The following DERPC variants were observed in gnomAD, a reference collection of about 807,000 sequenced individuals.
DERPC encodes the protein DERPC proline and glycine rich nuclear protein, also known as decreased expression in renal and prostate cancer protein.
A neutral mutation model predicts 7.2 loss-of-function variants in DERPC; 1 was observed. The ratio of observed to expected loss-of-function variants is 0.14; its 90% CI spans 0.05 to 0.66. The LOEUF is 0.66. Ranked by LOEUF, DERPC falls within the 30% of genes least tolerant of loss-of-function variation. The pLI is 0.84. For missense variants in DERPC, 502 were observed against 299.4 expected (o/e 1.68, Z -4.99); for synonymous variants, 185 against 117.6 (o/e 1.57, Z -3.71).
chr16:69,122,299 C>A (rs1023640908), intron 1 of DERPC, among the ~76,000 whole-genome samples: 1 of 151,874 alleles, frequency 6.6e-6, no homozygotes, highest in Non-Finnish European at 1.5e-5. Flanking sequence ...TGATATGAAC[C>A]GAAGACATAC....
Position 69,128,400 on chromosome 16 carries a change from CAT to C in DERPC, c.-280+4082_-280+4083del, listed in dbSNP as rs1330477028. On this transcript the variant is annotated intron_variant, in intron 1 of 2. Transcript: ENST00000519520. ...GGTATCAGACTCACAGGCCACAACT[CAT>C]GTGTAGCCTTGGAAAGATAAGAAGG... Among the ~76,000 whole-genome samples the C allele has an allele frequency of 4.6e-5, 7 of 152,302 alleles. 1 individual carries two copies. In the East Asian group the frequency reaches 7.7e-4, roughly 17 times the overall value.
intron 1 of DERPC, among the ~76,000 whole-genome samples, chr16:69,124,248 T>TG (rs1567591423): frequency 6.6e-6 from 1 of 152,130 alleles, no homozygotes; most frequent in Non-Finnish European, 1.5e-5. Flanking sequence ...CATAGATTCA[T>TG]GGGGGGCTGA....
At position 69,119,762 on chromosome 16, in the gene DERPC, C is replaced by T. The variant is rs760912652; in HGVS notation, c.667G>A (p.Ala223Thr). 21 of 696,678 alleles carry T rather than the reference C, an allele frequency of 3.0e-5. No individual in the cohort carries two copies. The highest frequency in any genetic ancestry group is 2.2e-4 in the Admixed American group (11 of 49,854). The allele number at this position is 696,678 out of a possible 1,614,324, so 43.2% of individuals were successfully genotyped here. A position where few individuals can be genotyped will look rare whatever the true frequency, so the allele number is the denominator to read the frequency against. Residue 223 changes from alanine (A) to threonine (T), a missense_variant, in exon 3 of 3, where the codon GCC becomes ACC. By Grantham distance (58) the Ala-to-Thr change is moderately conservative. Coordinates refer to ENST00000519520, the MANE Select transcript of DERPC (RefSeq NM_001002847.4). Reference sequence around the variant, plus strand: ...CCTGGAAACACACCTGACCTGGGGGCAGGGTTTGTCCCTAAAAAGCCTGAT... The same window carrying T: ...CCTGGAAACACACCTGACCTGGGGGTAGGGTTTGTCCCTAAAAAGCCTGAT... ...LRSGFLGTNP[A>T]PRSGVFPGPG...
chr16:69,125,253 TGAATTTTTACTGTG>T (rs1279047790), intron 1 of DERPC, among the ~76,000 whole-genome samples: 4 of 152,212 alleles, frequency 2.6e-5, no homozygotes, highest in East Asian at 1.9e-4. Context: ...TAACATGTTT[TGAATTTTTACTGTG>T]GAATTTTTAC....
intron 1 of DERPC, chr16:69,131,189 C>G (rs1962479946): frequency 6.6e-6 from 1 of 152,130 alleles, no homozygotes; most frequent in Non-Finnish European, 1.5e-5. Context: ...TGAATGCTTC[C>G]AAACTTTACA....
At chr16:69,126,253 G>A (rs570087187) in intron 1 of DERPC, among the ~76,000 whole-genome samples, 55 of 152,154 alleles carry the variant, frequency 3.6e-4, no homozygotes, top group Admixed American at 3.0e-3. Flanking sequence ...AAAATCAATC[G>A]TTAAGCACTG....
At chr16:69,129,089 CAAAA>C (rs768378198) in intron 1 of DERPC, among the ~76,000 whole-genome samples, 1 of 144,476 alleles carries the variant, frequency 6.9e-6, no homozygotes, top group Non-Finnish European at 1.5e-5. Flanking sequence ...TGAAACAAAA[CAAAA>C]AAAAAACTGG....
intron 1 of DERPC, among the ~76,000 whole-genome samples, chr16:69,126,974 C>A (rs143071318): frequency 1.3e-5 from 2 of 152,018 alleles, no homozygotes; most frequent in Non-Finnish European, 2.9e-5. Context: ...AGGCCGGGCG[C>A]GGTGGCTCAT....
chr16:69,123,809 C>T (rs890199847), intron 1 of DERPC, among the ~76,000 whole-genome samples: 1 of 151,294 alleles, frequency 6.6e-6, no homozygotes, highest in African/African-American at 2.4e-5. Context: ...AGACTTTGGC[C>T]GGGAGCAGTA....
In DERPC at chr16:69,118,290, G is replaced by A. The variant is rs1961316449; in HGVS notation, c.*564C>T. On this transcript the variant is annotated 3_prime_UTR_variant, in exon 3 of 3. Coordinates refer to ENST00000519520, the MANE Select transcript of DERPC (RefSeq NM_001002847.4). ...GGGAGCTGCAGGCCCAGTCAGTCAA[G>A]CAGAAACTGCATTCGGTGGGTCTTT... 9.5e-7 allele frequency: 1 copy of A among 1,048,716 alleles called. No homozygotes were observed. Among genetic ancestry groups the A allele is most frequent in the Non-Finnish European group, 1.5e-6 (1 of 668,036 alleles). 65.0% of individuals were successfully genotyped at this position (1,048,716 alleles called of 1,614,324 possible). A position where few individuals can be genotyped will look rare whatever the true frequency, so the allele number is the denominator to read the frequency against.
In DERPC at chr16:69,118,683, C is replaced by A; in HGVS notation, c.*171G>T. ...GCCACAGTTCACATGCCACAAATAA[C>A]ATCTCACCTTCAGTCAAGAAAAACG... On this transcript the variant is annotated 3_prime_UTR_variant, in exon 3 of 3. Transcript: ENST00000519520. The A allele has an allele frequency of 1.5e-6, 1 of 670,662 alleles. No individual in the cohort carries two copies. Among genetic ancestry groups the A allele is most frequent in the Non-Finnish European group, 2.7e-6 (1 of 370,114 alleles). 41.5% of individuals were successfully genotyped at this position (670,662 alleles called of 1,614,324 possible). A position where few individuals can be genotyped will look rare whatever the true frequency, so the allele number is the denominator to read the frequency against.
chr16:69,128,412 T>C (rs1962245045), intron 1 of DERPC, among the ~76,000 whole-genome samples: 1 of 152,210 alleles, frequency 6.6e-6, no homozygotes, highest in Admixed American at 6.5e-5. Flanking sequence ...TGTGTAGCCT[T>C]GGAAAGATAA....
In DERPC at chr16:69,119,207, G is replaced by A. The variant is rs1306212065; in HGVS notation, c.1222C>T (p.Pro408Ser). Residue 408 changes from proline to serine, a missense_variant, in exon 3 of 3, where the codon CCC (proline) becomes TCC (serine). By Grantham distance (74) the Pro-to-Ser change is moderately conservative (BLOSUM62 -1). Transcript: ENST00000519520. ...IFPRASGPLGPNPANFPRATG... is the reference protein window; with the variant it reads ...IFPRASGPLGSNPANFPRATG... ...GCCCTTGGGAAGTTAGCTGGGTTGG[G>A]GCCAAGTGGCCCAGAGGCTCTTGGG... is the stretch of plus-strand genomic sequence containing the variant. 5 of 703,036 alleles carry A rather than the reference G, an allele frequency of 7.1e-6. No individual in the cohort carries two copies. In the Admixed American group the frequency reaches 8.0e-5, roughly 11 times the overall value. 43.5% of individuals were successfully genotyped at this position (703,036 alleles called of 1,614,324 possible).
Position 69,118,478 on chromosome 16 carries a change from G to A in DERPC, c.*376C>T, listed in dbSNP as rs376376214. ...AGAGCAGTGAGCTGATTCTCCAATG[G>A]TGAGCAGGGGACTACATGTGAACTG... On this transcript the variant is annotated 3_prime_UTR_variant, in exon 3 of 3. Transcript: ENST00000519520. 1.4e-5 allele frequency: 21 copies of A among 1,450,580 alleles called. No individual in the cohort carries two copies. Among genetic ancestry groups the A allele is most frequent in the East Asian group, 2.3e-5 (1 of 44,158 alleles). The allele number at this position is 1,450,580 out of a possible 1,614,324, so 89.9% of individuals were successfully genotyped here.
rs146170123 is a variant in DERPC, at chr16:69,121,490, C to G, written c.-276G>C. 126 of 1,587,996 alleles carry G rather than the reference C, an allele frequency of 7.9e-5. No individual in the cohort carries two copies. In the African/African-American group the frequency reaches 1.6e-3, roughly 20 times the overall value. Reference sequence around the variant, plus strand: ...TCTGTCTTTAAAAAGCAAGTGAAAACAAGCTGTAGAGAGAAAAAAAGAGAT... The same window carrying G: ...TCTGTCTTTAAAAAGCAAGTGAAAAGAAGCTGTAGAGAGAAAAAAAGAGAT... On this transcript the variant is annotated 5_prime_UTR_variant, in exon 2 of 3. Coordinates refer to ENST00000519520, the MANE Select transcript of DERPC (RefSeq NM_001002847.4).
chr16:69,127,314 G>GA (rs1267782290), intron 1 of DERPC, among the ~76,000 whole-genome samples: 1 of 150,318 alleles, frequency 6.7e-6, no homozygotes, highest in African/African-American at 2.4e-5. Context: ...AGAGTGAGTA[G>GA]AAAAAAGAGG....
rs1438977685 is a variant in DERPC at position 69,118,672 on chromosome 16, G to A, written c.*182C>T. 3 of 680,844 alleles carry A rather than the reference G, an allele frequency of 4.4e-6. No individual in the cohort carries two copies. Among genetic ancestry groups the A allele is most frequent in the Non-Finnish European group, 8.0e-6 (3 of 374,358 alleles). 42.2% of individuals were successfully genotyped at this position (680,844 alleles called of 1,614,324 possible). ...TATTCCCACCTGCCACAGTTCACAT[G>A]CCACAAATAACATCTCACCTTCAGT... On this transcript the variant is annotated 3_prime_UTR_variant, in exon 3 of 3. Coordinates refer to ENST00000519520, the MANE Select transcript of DERPC (RefSeq NM_001002847.4).
In DERPC at chr16:69,118,457, C is replaced by G. The variant is rs1961335737; in HGVS notation, c.*397G>C. 31 of 1,592,642 alleles carry G rather than the reference C, an allele frequency of 1.9e-5. No homozygotes were observed. The highest frequency in any genetic ancestry group is 2.6e-5 in the Non-Finnish European group (30 of 1,160,432). ...TCACCAACGCCACGTTTCTAGAGAG[C>G]AGTGAGCTGATTCTCCAATGGTGAG... On this transcript the variant is annotated 3_prime_UTR_variant, in exon 3 of 3. Coordinates refer to ENST00000519520, the MANE Select transcript of DERPC (RefSeq NM_001002847.4).
Position 69,121,754 on chromosome 16 carries a change from G to A in DERPC, c.-279-261C>T, listed in dbSNP as rs1401552106. Among the ~76,000 whole-genome samples the A allele has an allele frequency of 4.7e-5, 7 of 150,516 alleles. No individual in the cohort carries two copies. In the East Asian group the frequency reaches 7.9e-4, roughly 17 times the overall value. On this transcript the variant is annotated intron_variant, in intron 1 of 2. Coordinates refer to ENST00000519520, the MANE Select transcript of DERPC (RefSeq NM_001002847.4). ...ACGATCTCAGCTCACTGCAAGCTCC[G>A]CCTCCGGGGTTCATGCCATTCTCCT...
Sources: allele counts gnomAD v4.1 joint callset (sites outside exome capture counted in the v4.1 genomes callset), GRCh38; gene constraint gnomAD v4.1.1; transcripts MANE v1.5; gene names NCBI Gene and HGNC (gene_info 2026-07-23, HGNC 2026-07-21).